The following ATRX variants were observed in gnomAD, a reference collection of about 807,000 sequenced individuals.
The protein encoded by ATRX is chromatin remodeler ATRX.
ATRX carries 12 observed loss-of-function variants against 172.6 expected under a neutral mutation model. That is an observed-to-expected ratio of 0.07 (90% CI 0.04 to 0.11). The LOEUF is 0.11. ATRX is among the 10% of genes least tolerant of loss of function. The probability of loss-of-function intolerance (pLI) is 1.00; values close to 1 mark genes in which losing one functional copy is unlikely to be tolerated. For missense variants in ATRX, 1,368 were observed against 1,767.4 expected (o/e 0.77, Z 4.05); for synonymous variants, 674 against 594.7 (o/e 1.13, Z -1.94).
intron 10 of ATRX, chrX:77,676,016 G>T: frequency 2.9e-6 from 1 of 341,204 alleles, no homozygotes. Flanking sequence ...TGCTAGGTGT[G>T]TAAATAATGA....
At chrX:77,553,703 G>A (rs782478819) in intron 30 of ATRX, among the ~76,000 whole-genome samples, 6 of 111,213 alleles carry the variant, frequency 5.4e-5, no homozygotes, top group South Asian at 7.6e-4. Context: ...CTCTTCTGCC[G>A]TCTTAGCAAT....
At chrX:77,526,258 T>G (rs1454521734) in intron 30 of ATRX, among the ~76,000 whole-genome samples, 1 of 112,089 alleles carries the variant, frequency 8.9e-6, no homozygotes, top group Non-Finnish European at 1.9e-5. Flanking sequence ...GGTAATTCAA[T>G]GAAAGATTCC....
At chrX:77,576,811 T>C (rs1402899995) in intron 27 of ATRX, among the ~76,000 whole-genome samples, 2 of 111,688 alleles carry the variant, frequency 1.8e-5, no homozygotes, top group African/African-American at 6.5e-5. Flanking sequence ...CACCATTCTA[T>C]TTTATGTCTC....
chrX:77,751,672 G>A (rs2075304702), intron 1 of ATRX, among the ~76,000 whole-genome samples: 1 of 111,532 alleles, frequency 9.0e-6, no homozygotes, highest in African/African-American at 3.3e-5. Flanking sequence ...GTCTTTAATC[G>A]ATCTTGAGTT....
intron 19 of ATRX, among the ~76,000 whole-genome samples, chrX:77,631,956 T>G (rs781893932): frequency 8.9e-6 from 1 of 112,357 alleles, no homozygotes; most frequent in Non-Finnish European, 1.9e-5. Flanking sequence ...TCAACTTTCA[T>G]GTAAACAGAA....
At chrX:77,576,690 A>G in intron 27 of ATRX, among the ~76,000 whole-genome samples, 1 of 111,405 alleles carries the variant, frequency 9.0e-6, no homozygotes, top group East Asian at 2.8e-4. Flanking sequence ...TGATACATAT[A>G]TTTATGAGAC....
At chrX:77,702,692 A>G (rs2148700703) in intron 2 of ATRX, among the ~76,000 whole-genome samples, 1 of 111,972 alleles carries the variant, frequency 8.9e-6, no homozygotes, top group Admixed American at 9.5e-5. Context: ...ACCTAAATCA[A>G]TGGAAAAACA....
chrX:77,578,901 TGGAG>T (rs1344458960), intron 27 of ATRX, among the ~76,000 whole-genome samples: 2 of 111,102 alleles, frequency 1.8e-5, no homozygotes, highest in African/African-American at 6.6e-5. Flanking sequence ...TGGGGCAGAG[TGGAG>T]CCCACTGCCC....
intron 5 of ATRX, among the ~76,000 whole-genome samples, chrX:77,694,274 A>T (rs1156649935): frequency 2.7e-5 from 3 of 112,242 alleles, no homozygotes; most frequent in Non-Finnish European, 3.8e-5. Flanking sequence ...ATGAACATCT[A>T]TGCTAAGTTC....
chrX:77,752,884 G>T (rs1160779868), intron 1 of ATRX, among the ~76,000 whole-genome samples: 1 of 111,708 alleles, frequency 9.0e-6, no homozygotes, highest in Admixed American at 9.6e-5. Flanking sequence ...TTTTATTGAG[G>T]ATTTTCACAT....
rs565451786 is a variant in ATRX at position 77,718,663 on chromosome X, T to C, written c.21-1420A>G. ...TGCTGGGATTACAGGCGTGAGCCAC[T>C]GTGCCCAGCCTATAGCATCAACTCT... On this transcript the variant is annotated intron_variant, in intron 1 of 34. Transcript: ENST00000373344. Among the ~76,000 whole-genome samples the C allele has an allele frequency of 1.6e-4, 18 of 111,691 alleles. No homozygotes were observed. In the South Asian group the frequency reaches 3.3e-3, roughly 21 times the overall value.
intron 27 of ATRX, 85 bp from the exon 28 acceptor site, chrX:77,574,443 A>G: frequency 3.0e-6 from 2 of 669,754 alleles, no homozygotes. Flanking sequence ...CTTGCTCATC[A>G]TTTAAAAGTG....
chrX:77,779,974 G>T (rs145017544), intron 1 of ATRX, among the ~76,000 whole-genome samples: 10 of 111,631 alleles, frequency 9.0e-5, no homozygotes, highest in Non-Finnish European at 1.7e-4. Context: ...AAGAACAACC[G>T]GCTAGAACTA....
chrX:77,647,037 A>G (rs782435412), intron 15 of ATRX, among the ~76,000 whole-genome samples: 33 of 111,529 alleles, frequency 3.0e-4, no homozygotes, highest in African/African-American at 9.4e-4. Flanking sequence ...CCATATAATC[A>G]GGCACAAAAA....
chrX:77,782,282 T>A (rs782159228), intron 1 of ATRX, among the ~76,000 whole-genome samples: 1 of 112,396 alleles, frequency 8.9e-6, no homozygotes, highest in African/African-American at 3.2e-5. Context: ...AACTACCACC[T>A]TAACAGATAC....
At chrX:77,564,546 C>T (rs1207111151) in intron 28 of ATRX, among the ~76,000 whole-genome samples, 1 of 110,417 alleles carries the variant, frequency 9.1e-6, no homozygotes, top group Non-Finnish European at 1.9e-5. Context: ...CTAATGCACC[C>T]AGCTAATTTT....
chrX:77,692,157 ACT>A (rs1210657613), intron 6 of ATRX, among the ~76,000 whole-genome samples: 1 of 111,189 alleles, frequency 9.0e-6, no homozygotes, highest in Non-Finnish European at 1.9e-5. Flanking sequence ...CCATTTAGAC[ACT>A]CTGTACACTA....
rs35946932 is a variant in ATRX at position 77,607,708 on chromosome X, C to CA, written c.5567-7145dup. ...AGCCTGGGTGACAGAGACTCTGTCT[C>CA]AAAAAAAAAAAAAAAAAAAAAAGAA... is the stretch of plus-strand genomic sequence containing the variant. On this transcript the variant is annotated intron_variant, in intron 22 of 34. Coordinates refer to ENST00000373344, the MANE Select transcript of ATRX (RefSeq NM_000489.6). Among the ~76,000 whole-genome samples the CA allele has an allele frequency of 5.7e-3, 234 of 41,036 alleles. 1 individual carries two copies. The highest frequency in any genetic ancestry group is 0.018 in the Middle Eastern group (1 of 55). 35.6% of individuals were successfully genotyped at this position (41,036 alleles called of 115,157 possible).
In ATRX at chrX:77,682,179, C is replaced by T. The variant is rs2148582104; in HGVS notation, c.3077G>A (p.Cys1026Tyr). 8.3e-7 allele frequency: 1 copy of T among 1,211,031 alleles called. No homozygotes were observed. Among genetic ancestry groups the T allele is most frequent in the Non-Finnish European group, 1.1e-6 (1 of 895,140 alleles). ...TEKLPEREEICHFPKGIKQIK... is the reference protein window; with the variant it reads ...TEKLPEREEIYHFPKGIKQIK... ...TTGTTTTATGCCCTTAGGAAAATGA[C>T]AAATTTCTTCTCGCTCAGGTAACTT... Residue 1026 changes from cysteine to tyrosine, a missense_variant, in exon 9 of 35, where the codon TGT becomes TAT. Transcript: ENST00000373344.
Sources: allele counts gnomAD v4.1 joint callset (sites outside exome capture counted in the v4.1 genomes callset), GRCh38; gene constraint gnomAD v4.1.1; transcripts MANE v1.5; gene names NCBI Gene and HGNC (gene_info 2026-07-23, HGNC 2026-07-21).